The following ITGA3 variants were observed in gnomAD, a reference collection of about 807,000 sequenced individuals.
ITGA3 encodes integrin alpha-3.
In ITGA3, 70 loss-of-function variants were observed where a neutral mutation model predicts 131.1. The ratio of observed to expected loss-of-function variants is 0.53; its 90% CI spans 0.44 to 0.65. ITGA3 has a LOEUF of 0.65. ITGA3 is among the 30% of genes least tolerant of loss of function. The pLI, the probability that ITGA3 is intolerant of heterozygous loss-of-function variation, is 0.00. For synonymous variants in ITGA3, 537 were observed against 571.6 expected (o/e 0.94, Z 0.86); for missense variants, 1,098 against 1,388.6 (o/e 0.79, Z 3.33).
chr17:50,080,735 G>A (rs1175488298), intron 22 of ITGA3, among the ~76,000 whole-genome samples: 1 of 151,896 alleles, frequency 6.6e-6, no homozygotes, highest in Non-Finnish European at 1.5e-5. Flanking sequence ...CTCTTTTCTG[G>A]CTTTTCCAGC....
rs1908236362 is a variant in ITGA3 at position 50,064,488 on chromosome 17, G to T, written c.335-40G>T. The T allele has an allele frequency of 6.3e-7, 1 of 1,578,128 alleles. No individual in the cohort carries two copies. Among genetic ancestry groups the T allele is most frequent in the Non-Finnish European group, 8.6e-7 (1 of 1,159,648 alleles). ...TGGAGACTTTGGGCACTGAAGTATG[G>T]GTGAGGTGCTCTGATTCATGATCCT... On this transcript the variant is annotated intron_variant, in intron 2 of 25. Coordinates refer to ENST00000320031, the MANE Select transcript of ITGA3 (RefSeq NM_002204.4). The surrounding 1 kb of genome is among the most constrained non-coding windows in gnomAD (Gnocchi z 4.4).
rs761198434 is a variant in ITGA3, at chr17:50,077,109, C to T, written c.2058C>T (p.Ser686=). The change falls in exon 15 of 26, where the codon TCC becomes TCT. Residue 686 remains serine (S), a synonymous_variant. Transcript: ENST00000320031. ...TLVVPPALLL[S]SVRPPGACQA... is the part of the protein sequence containing the mutation. ...TGGTGCCTCCCGCCCTGCTGCTGTC[C>T]TCAGTGCGCCCCGTGAGTGCCCGCC... The T allele has an allele frequency of 1.9e-6, 3 of 1,556,750 alleles. No individual in the cohort carries two copies. The highest frequency in any genetic ancestry group is 1.2e-5 in the South Asian group (1 of 85,788).
intron 23 of ITGA3, among the ~76,000 whole-genome samples, chr17:50,085,967 A>G (rs760150324): frequency 0.33 from 184 of 564 alleles, 54 homozygotes; most frequent in African/African-American, 0.5. Flanking sequence ...ATTAGATTAT[A>G]CATATTATAG....
chr17:50,057,748 C>G (rs1907897134), intron 1 of ITGA3, among the ~76,000 whole-genome samples: 1 of 152,192 alleles, frequency 6.6e-6, no homozygotes, highest in Non-Finnish European at 1.5e-5. Flanking sequence ...GTGGTCACAT[C>G]CAGGGTACAC....
chr17:50,081,780 G>T (rs971734116), intron 23 of ITGA3, among the ~76,000 whole-genome samples: 25 of 152,262 alleles, frequency 1.6e-4, no homozygotes, highest in African/African-American at 5.8e-4. Flanking sequence ...TCCCCAAAGT[G>T]GCACAGCTTG....
Position 50,075,471 on chromosome 17 carries a change from G to A in ITGA3, c.1482G>A (p.Glu494=). The change falls in exon 11 of 26, where the codon GAG becomes GAA. Residue 494 remains glutamate, a synonymous_variant. Coordinates refer to ENST00000320031, the MANE Select transcript of ITGA3 (RefSeq NM_002204.4). ...LCTATSCVQV[E]LCFAYNQSAG... is the part of the protein sequence containing the mutation. ...ATCCCTCCAACAGTGTGCAAGTGGA[G>A]CTGTGCTTTGCTTACAACCAGAGTG... 1 of 1,614,208 alleles carries A rather than the reference G, an allele frequency of 6.2e-7. No homozygotes were observed. Among genetic ancestry groups the A allele is most frequent in the Non-Finnish European group, 8.5e-7 (1 of 1,180,036 alleles).
intron 23 of ITGA3, among the ~76,000 whole-genome samples, chr17:50,082,471 C>T (rs550755173): frequency 6.6e-6 from 1 of 152,238 alleles, no homozygotes; most frequent in African/African-American, 2.4e-5. Context: ...GCCACTGTGC[C>T]TGGCCTAATT....
rs1008403529 is a variant in ITGA3 at position 50,082,313 on chromosome 17, G to C, written c.2919+905G>C. 2.0e-5 allele frequency among the ~76,000 whole-genome samples: 3 copies of C among 151,994 alleles called. No individual in the cohort carries two copies. In the East Asian group the frequency reaches 5.8e-4, roughly 29 times the overall value. ...CCTGCCTTGGCCTCCCAAGTAGCTGGGACTACAGGCGCCCACCACCACGCC... is the reference window on the plus strand; with the variant it reads ...CCTGCCTTGGCCTCCCAAGTAGCTGCGACTACAGGCGCCCACCACCACGCC... On this transcript the variant is annotated intron_variant, in intron 23 of 25. Transcript: ENST00000320031.
At position 50,071,348 on chromosome 17, in the gene ITGA3, CA is replaced by C. The variant is rs1317365656; in HGVS notation, c.794del (p.Asn265ThrfsTer5). 2 of 1,614,160 alleles carry C rather than the reference CA, an allele frequency of 1.2e-6. No individual in the cohort carries two copies. Among genetic ancestry groups the C allele is most frequent in the Admixed American group, 1.7e-5 (1 of 60,028 alleles). On this transcript the variant is annotated frameshift_variant, in exon 6 of 26. Transcript: ENST00000320031. LOFTEE classifies it high-confidence loss of function. ...MQVGSFILHP[K>X]NITIVTGAPR... ...AGGTAGGCAGCTTCATCCTGCACCC[CA>C]AAAACATCACCATTGTGACAGGTGC...
At position 50,064,759 on chromosome 17, in the gene ITGA3, C is replaced by T. The variant is rs1182673587; in HGVS notation, c.414+152C>T. 1.2e-5 allele frequency: 7 copies of T among 607,158 alleles called. No individual in the cohort carries two copies. Among genetic ancestry groups the T allele is most frequent in the Admixed American group, 6.1e-5 (2 of 32,550 alleles). The allele number at this position is 607,158 out of a possible 1,614,324, so 37.6% of individuals were successfully genotyped here. On this transcript the variant is annotated intron_variant, in intron 3 of 25. Coordinates refer to ENST00000320031, the MANE Select transcript of ITGA3 (RefSeq NM_002204.4). This position sits in a 1 kb window ranked among gnomAD's most constrained non-coding sequence, Gnocchi z 4.4. Reference sequence around the variant, plus strand: ...TCCCTTCCTGTGGCTGTGTGTCCCTCGCTCTCTGCACTCCTGGGGAGGGGG... The same window carrying T: ...TCCCTTCCTGTGGCTGTGTGTCCCTTGCTCTCTGCACTCCTGGGGAGGGGG...
chr17:50,079,675 T>C (rs2144305750), intron 21 of ITGA3, 118 bp downstream of exon 21: 1 of 1,163,652 alleles, frequency 8.6e-7, no homozygotes, highest in South Asian at 2.9e-5. Context: ...AGGCCCCTGC[T>C]CTTGGGAGCC....
intron 24 of ITGA3, 93 bp downstream of exon 24, chr17:50,087,962 T>C (rs1909536847): frequency 2.1e-6 from 3 of 1,442,488 alleles, no homozygotes; most frequent in Non-Finnish European, 2.8e-6. Context: ...TGGTCCTCCC[T>C]TCCATCTCAC....
At position 50,057,175 on chromosome 17, in the gene ITGA3, G is replaced by A. The variant is rs373985792; in HGVS notation, c.206+530G>A. 3.2e-4 allele frequency among the ~76,000 whole-genome samples: 48 copies of A among 152,348 alleles called. 1 individual carries two copies. Among genetic ancestry groups the A allele is most frequent in the African/African-American group, 1.1e-3 (47 of 41,588 alleles). ...GGAGGGTGAGGCGATGGGTGAGTCT[G>A]GGCGTTTGGAGCTGTCCATACGCTC... is the stretch of plus-strand genomic sequence containing the variant. On this transcript the variant is annotated intron_variant, in intron 1 of 25. Coordinates refer to ENST00000320031, the MANE Select transcript of ITGA3 (RefSeq NM_002204.4).
intron 3 of ITGA3, among the ~76,000 whole-genome samples, chr17:50,067,461 T>A (rs1381408368): frequency 6.6e-6 from 1 of 152,176 alleles, no homozygotes; most frequent in Non-Finnish European, 1.5e-5. Flanking sequence ...ATTCTCTGCC[T>A]CTCTCTAGAT....
Position 50,087,815 on chromosome 17 carries a change from G to T in ITGA3, c.2991G>T (p.Val997=). The T allele has an allele frequency of 6.2e-7, 1 of 1,612,142 alleles. No homozygotes were observed. Among genetic ancestry groups the T allele is most frequent in the Non-Finnish European group, 8.5e-7 (1 of 1,179,262 alleles). The change falls in exon 24 of 26, where the codon GTG becomes GTT. Residue 997 remains valine (V), a synonymous_variant. Transcript: ENST00000320031. ...PAEIELWLVL[V]AVGAGLLLLG... Reference sequence around the variant, plus strand: ...AAATCGAGCTGTGGCTGGTGCTGGTGGCCGTGGGTGCAGGGCTGCTGCTGC... The same window carrying T: ...AAATCGAGCTGTGGCTGGTGCTGGTTGCCGTGGGTGCAGGGCTGCTGCTGC...
At chr17:50,059,735 A>C (rs1303735331) in intron 1 of ITGA3, among the ~76,000 whole-genome samples, 1 of 152,234 alleles carries the variant, frequency 6.6e-6, no homozygotes, top group Non-Finnish European at 1.5e-5. Flanking sequence ...CAAAGAAGGA[A>C]GAAGATCCCC....
At chr17:50,066,297 GC>G (rs1645397799) in intron 3 of ITGA3, among the ~76,000 whole-genome samples, 2 of 148,784 alleles carry the variant, frequency 1.3e-5, no homozygotes, top group Admixed American at 1.3e-4. Context: ...ACCGTATGTG[GC>G]CCCATTTTTC....
Position 50,064,321 on chromosome 17 carries a change from G to A in ITGA3, c.334+117G>A, listed in dbSNP as rs1242863426. 1 of 1,378,306 alleles carries A rather than the reference G, an allele frequency of 7.3e-7. No homozygotes were observed. The highest frequency in any genetic ancestry group is 1.4e-5 in the African/African-American group (1 of 70,114). 85.4% of individuals were successfully genotyped at this position (1,378,306 alleles called of 1,614,324 possible). On this transcript the variant is annotated intron_variant, in intron 2 of 25. Coordinates refer to ENST00000320031, the MANE Select transcript of ITGA3 (RefSeq NM_002204.4). The surrounding 1 kb of genome is among the most constrained non-coding windows in gnomAD (Gnocchi z 4.4). The stretch of plus-strand genomic sequence containing the variant: ...TTCACACGGCTTCTAGTCGCTTCTT[G>A]TCCAGCTGGGAAGAGGGTGCCCTAG...
At chr17:50,082,716 A>G (rs116487897) in intron 23 of ITGA3, among the ~76,000 whole-genome samples, 2,095 of 152,326 alleles carry the variant, frequency 0.014, 72 homozygotes, top group African/African-American at 0.048. Context: ...GCAATAACCA[A>G]TCAAAAGGAT....
Sources: gnomAD v4.1 joint callset for allele counts (sites outside exome capture counted in the v4.1 genomes callset) on GRCh38, gnomAD v4.1.1 for gene constraint, Gnocchi (gnomAD v3.1) non-coding constraint, MANE v1.5 for transcripts, NCBI Gene and HGNC (gene_info 2026-07-23, HGNC 2026-07-21) for gene names.